Variants in ZP1 observed in about 807,000 individuals in gnomAD.
ZP1 encodes the protein zona pellucida sperm-binding protein 1.
ZP1 carries 58 observed loss-of-function variants against 67.4 expected under a neutral mutation model. The observed-to-expected ratio is 0.86, with a 90% CI of 0.70 to 1.07. ZP1 has a LOEUF of 1.07. Among genes scored for constraint, ZP1 ranks in the 50% least tolerant of loss-of-function variants. The pLI is 0.00. For missense variants in ZP1, 759 were observed against 807.3 expected, an observed-to-expected ratio of 0.94 and a Z score of 0.72; for synonymous variants, 333 against 332.7, an observed-to-expected ratio of 1.00 and a Z score of -0.01.
chr11:60,875,192 CG>C lies in ZP1; in HGVS notation c.1722del (p.Pro575GlnfsTer25). ...TARPQDIVSS[P>X]GPVGFEDSYG... is the part of the protein sequence containing the mutation. ...AGGCCCCAGGACATCGTGAGCTCTC[CG>C]GGGCCAGTGGGCTTTGAGGATTCTT... On this transcript the variant is annotated frameshift_variant, in exon 11 of 12. Transcript: ENST00000278853. LOFTEE classifies it high-confidence loss of function. 1 of 1,613,780 alleles carries C rather than the reference CG, an allele frequency of 6.2e-7. No homozygotes were observed.
Position 60,867,751 on chromosome 11 carries a change from G to C in ZP1, c.190G>C (p.Val64Leu), listed in dbSNP as rs1221491302. The C allele has an allele frequency of 1.2e-6, 2 of 1,613,418 alleles. No homozygotes were observed. The highest frequency in any genetic ancestry group is 1.7e-5 in the Admixed American group (1 of 59,956). Residue 64 changes from valine (V) to leucine (L), a missense_variant, in exon 1 of 12, where the codon GTG becomes CTG. Transcript: ENST00000278853. ...GCCAGGCCAGACTCTCCGCTTCAAG[G>C]TGGTGGGTGAGTGCTGGCAGAGTCC... is the stretch of plus-strand genomic sequence containing the variant. ...PRPGQTLRFK[V>L]VDEFGNRFDV...
Position 60,874,988 on chromosome 11 carries a change from C to T in ZP1, c.1628C>T (p.Ser543Phe), listed in dbSNP as rs780804393. The change falls in exon 10 of 12, where the codon TCC (serine) becomes TTC (phenylalanine). Residue 543 changes from serine (S) to phenylalanine (F), a missense_variant. Physicochemically the swap from Ser to Phe is radical, Grantham distance 155. Coordinates refer to ENST00000278853, the MANE Select transcript of ZP1 (RefSeq NM_207341.4). The stretch of plus-strand genomic sequence containing the variant: ...CACACCTCAGGGCTGGAGACTTGCT[C>T]CACTGCATGTAGCACTGGCACTACA... Reference protein sequence around the residue: ...ACHTSGLETCSTACSTGTTRQ... With the variant: ...ACHTSGLETCFTACSTGTTRQ... 6.8e-6 allele frequency: 11 copies of T among 1,614,260 alleles called. No individual in the cohort carries two copies. The highest frequency in any genetic ancestry group is 9.3e-6 in the Non-Finnish European group (11 of 1,180,044).
At chr11:60,871,647 A>G (rs566484987) in intron 6 of ZP1, among the ~76,000 whole-genome samples, 5 of 152,300 alleles carry the variant, frequency 3.3e-5, no homozygotes, top group African/African-American at 9.6e-5. Context: ...AAAGCAACTG[A>G]AAGTGTCCCC....
At chr11:60,872,216 T>TAA (rs960924086) in intron 6 of ZP1, among the ~76,000 whole-genome samples, 1 of 152,064 alleles carries the variant, frequency 6.6e-6, no homozygotes, top group South Asian at 2.1e-4. Flanking sequence ...TATTTTAATT[T>TAA]AAAAAAACCC....
intron 9 of ZP1, 50 bp from the exon 10 acceptor site, chr11:60,874,883 T>G (rs1855670364): frequency 6.3e-7 from 1 of 1,583,442 alleles, no homozygotes; most frequent in Admixed American, 1.7e-5. Context: ...TTGTGCTTCC[T>G]GCCCGGTGGC....
chr11:60,870,741 T>C, intron 4 of ZP1: 1 of 676,728 alleles, frequency 1.5e-6, no homozygotes, highest in Non-Finnish European at 2.5e-6. Context: ...TGACAGATTA[T>C]ATGGTGAACC....
At chr11:60,874,193 C>T (rs1855653225) in intron 9 of ZP1, among the ~76,000 whole-genome samples, 1 of 152,204 alleles carries the variant, frequency 6.6e-6, no homozygotes. Context: ...GACAGATGCA[C>T]TTGTCCCATT....
At position 60,873,290 on chromosome 11, in the gene ZP1, GTATGC is replaced by G. The variant is rs1179861748; in HGVS notation, c.1240+10_1240+14del. 2 of 1,583,586 alleles carry G rather than the reference GTATGC, an allele frequency of 1.3e-6. No individual in the cohort carries two copies. Among genetic ancestry groups the G allele is most frequent in the Admixed American group, 1.7e-5 (1 of 58,508 alleles). ...CGGCTTGAGCTGCGGATTGCCAAAG[GTATGC>G]TATGCTATCCCTGCTCTCTTCTGGC... On this transcript the variant is annotated splice_donor_variant and splice_donor_5th_base_variant and intron_variant, in intron 7 of 11. Coordinates refer to ENST00000278853, the MANE Select transcript of ZP1 (RefSeq NM_207341.4). LOFTEE classifies it high-confidence loss of function.
Position 60,869,465 on chromosome 11 carries a change from G to A in ZP1, c.319-72G>A, listed in dbSNP as rs539757188. 364 of 1,538,238 alleles carry A rather than the reference G, an allele frequency of 2.4e-4. No individual in the cohort carries two copies. The Middle Eastern group carries it at 4.0e-3, about 17-fold the overall frequency. ...CTGCCTAATGGCCAGCTCAGCTCTC[G>A]TGGGCCCGTCCCCTGCCTGGGTATG... On this transcript the variant is annotated intron_variant, in intron 2 of 11. Transcript: ENST00000278853.
At chr11:60,867,810 A>G in intron 1 of ZP1, 53 bp downstream of exon 1, 1 of 1,576,922 alleles carries the variant, frequency 6.3e-7, no homozygotes, top group South Asian at 1.2e-5. Context: ...GGCTGCTGCC[A>G]GAAGGGAGCT....
rs370449125 is a variant in ZP1 at position 60,875,102 on chromosome 11, C to T, written c.1655-27C>T. ...TGGGCCACAGGGGCAGGAGACCAGC[C>T]CAAGATTTCATTCTTCCCCTGGGCA... On this transcript the variant is annotated intron_variant, in intron 10 of 11. Transcript: ENST00000278853. 2.8e-5 allele frequency: 45 copies of T among 1,613,550 alleles called. No individual in the cohort carries two copies. In the African/African-American group the frequency reaches 5.7e-4, roughly 21 times the overall value.
Position 60,873,267 on chromosome 11 carries a change from G to A in ZP1, c.1218G>A (p.Arg406=). 3 of 1,587,726 alleles carry A rather than the reference G, an allele frequency of 1.9e-6. No homozygotes were observed. Among genetic ancestry groups the A allele is most frequent in the Non-Finnish European group, 1.7e-6 (2 of 1,164,656 alleles). ...CTATGACCCAGCCCGGCCCCCTGCG[G>A]CTTGAGCTGCGGATTGCCAAAGGTA... ...PAPMTQPGPL[R]LELRIAKDET... The change falls in exon 7 of 12, where the codon CGG becomes CGA. Residue 406 remains arginine (R), a synonymous_variant. Transcript: ENST00000278853.
chr11:60,867,703 A>G lies in ZP1; in HGVS notation c.142A>G (p.Met48Val). The G allele has an allele frequency of 3.1e-6, 5 of 1,613,968 alleles. No individual in the cohort carries two copies. The highest frequency in any genetic ancestry group is 4.2e-6 in the Non-Finnish European group (5 of 1,179,930). Residue 48 changes from methionine to valine, a missense_variant, in exon 1 of 12, where the codon ATG becomes GTG. By Grantham distance (21) the Met-to-Val change is conservative (BLOSUM62 1). Coordinates refer to ENST00000278853, the MANE Select transcript of ZP1 (RefSeq NM_207341.4). The stretch of plus-strand genomic sequence containing the variant: ...CAGCTACGACTGTGGGATCAAGGGA[A>G]TGCAGCTGCTGGTGTTCCCCAGGCC... Reference protein sequence around the residue: ...RHSYDCGIKGMQLLVFPRPGQ... With the variant: ...RHSYDCGIKGVQLLVFPRPGQ...
chr11:60,869,080 G>A (rs571671349), intron 1 of ZP1, 65 bp from the exon 2 acceptor site: 18 of 1,597,876 alleles, frequency 1.1e-5, no homozygotes, highest in East Asian at 4.5e-5. Context: ...AACTCCTTCC[G>A]AGACCCCAGC....
At chr11:60,874,017 T>C (rs1855648518) in intron 9 of ZP1, among the ~76,000 whole-genome samples, 2 of 152,224 alleles carry the variant, frequency 1.3e-5, no homozygotes, top group South Asian at 2.1e-4. Flanking sequence ...ACTCTGGTCA[T>C]GGTGTTCTAG....
In ZP1 at chr11:60,871,126, C is replaced by A; in HGVS notation, c.996C>A (p.His332Gln). ...TGGTCTTCTACTTCCCTCTCACCCA[C>A]TGTGGAACCACAATGCAGGTAGGAG... ...AFVVFYFPLTHCGTTMQVAGD... is the reference protein window; with the variant it reads ...AFVVFYFPLTQCGTTMQVAGD... The change falls in exon 5 of 12, where the codon CAC (histidine) becomes CAA (glutamine). Residue 332 changes from histidine to glutamine, a missense_variant. Physicochemically the swap from His to Gln is conservative, Grantham distance 24. Coordinates refer to ENST00000278853, the MANE Select transcript of ZP1 (RefSeq NM_207341.4). 1 of 1,614,064 alleles carries A rather than the reference C, an allele frequency of 6.2e-7. No homozygotes were observed. Among genetic ancestry groups the A allele is most frequent in the Non-Finnish European group, 8.5e-7 (1 of 1,179,946 alleles).
Position 60,873,192 on chromosome 11 carries a change from T to C in ZP1, c.1143T>C (p.Ser381=). 1.2e-6 allele frequency: 2 copies of C among 1,604,898 alleles called. No individual in the cohort carries two copies. Among genetic ancestry groups the C allele is most frequent in the Non-Finnish European group, 1.7e-6 (2 of 1,175,142 alleles). Residue 381 remains serine, a synonymous_variant, in exon 7 of 12, where the codon AGT becomes AGC. Transcript: ENST00000278853. ...ATGTGCGCTGTGTCTTCAACGCCAG[T>C]GACTTCCTGCCCATTCAGGCATCCA... ...QLHVRCVFNA[S]DFLPIQASIF...
rs746602802 is a variant in ZP1, at chr11:60,869,207, A to G, written c.259A>G (p.Arg87Gly). ...CATCTGCTACCACTGGGTCACCTCC[A>G]GGCCGCAGGAGCCTGCAGTCTTCTC... ...CSICYHWVTS[R>G]PQEPAVFSAD... Residue 87 changes from arginine to glycine, a missense_variant, in exon 2 of 12, where the codon AGG (arginine) becomes GGG (glycine). Coordinates refer to ENST00000278853, the MANE Select transcript of ZP1 (RefSeq NM_207341.4). 105 of 1,614,204 alleles carry G rather than the reference A, an allele frequency of 6.5e-5. 2 individuals are homozygous for G. The South Asian group carries it at 8.3e-4, about 13-fold the overall frequency.
intron 3 of ZP1, 126 bp downstream of exon 3, chr11:60,870,026 A>G (rs1249125649): frequency 1.1e-5 from 13 of 1,208,208 alleles, no homozygotes; most frequent in African/African-American, 4.6e-5. Flanking sequence ...TTAGAAAAAG[A>G]TGATTCTTTT....
Sources: gnomAD v4.1 joint callset for allele counts (sites outside exome capture counted in the v4.1 genomes callset) on GRCh38, gnomAD v4.1.1 for gene constraint, MANE v1.5 for transcripts, NCBI Gene and HGNC (gene_info 2026-07-23, HGNC 2026-07-21) for gene names.